Variants in TRAPPC9 observed in about 807,000 individuals in gnomAD.
The protein encoded by TRAPPC9 is trafficking protein particle complex subunit 9.
TRAPPC9 carries 83 observed loss-of-function variants against 124.0 expected under a neutral mutation model. That is an observed-to-expected ratio of 0.67 (90% CI 0.56 to 0.80). TRAPPC9 has a LOEUF of 0.80. TRAPPC9 is among the 30% of genes least tolerant of loss of function. The pLI is 0.00. For missense variants in TRAPPC9, 1,302 were observed against 1,508.3 expected, an observed-to-expected ratio of 0.86 and a Z score of 2.27; for synonymous variants, 638 against 617.5, an observed-to-expected ratio of 1.03 and a Z score of -0.49.
chr8:139,732,587 G>C (rs199224), intron 21 of TRAPPC9, among the ~76,000 whole-genome samples: 29,237 of 152,224 alleles, frequency 0.19, 3,147 homozygotes, highest in African/African-American at 0.29. Flanking sequence ...CTAAAGTGCC[G>C]CAGGTCAGGG....
At chr8:140,349,739 C>A (rs147156542) in intron 9 of TRAPPC9, among the ~76,000 whole-genome samples, 1 of 152,176 alleles carries the variant, frequency 6.6e-6, no homozygotes, top group Non-Finnish European at 1.5e-5. Flanking sequence ...AGTCAACATC[C>A]GCCCCCTTCC....
chr8:139,729,323 T>G lies in TRAPPC9; in HGVS notation c.*1738A>C, dbSNP rs1057412473. Among the ~76,000 whole-genome samples, 1 of 152,292 alleles carries G rather than the reference T, an allele frequency of 6.6e-6. No homozygotes were observed. The highest frequency in any genetic ancestry group is 2.4e-5 in the African/African-American group (1 of 41,482). On this transcript the variant is annotated 3_prime_UTR_variant, in exon 23 of 23. Coordinates refer to ENST00000438773, the MANE Select transcript of TRAPPC9 (RefSeq NM_001160372.4). ...GTTGTTTCATTCAATGGCGTATTTT[T>G]GGGCTCTGTTGAGGTTGACACACAT...
intron 18 of TRAPPC9, among the ~76,000 whole-genome samples, chr8:139,992,724 A>G (rs2131732103): frequency 6.6e-6 from 1 of 151,118 alleles, no homozygotes; most frequent in East Asian, 1.9e-4. Context: ...AGAGAAATAC[A>G]TTAGTGAAAG....
At chr8:140,015,584 TAA>T (rs1213507108) in intron 18 of TRAPPC9, among the ~76,000 whole-genome samples, 1 of 151,778 alleles carries the variant, frequency 6.6e-6, no homozygotes, top group African/African-American at 2.4e-5. Context: ...GGTCAGGAGT[TAA>T]GAGTCCAGCC....
chr8:140,357,470 A>G (rs1203596985), intron 9 of TRAPPC9, among the ~76,000 whole-genome samples: 5 of 152,086 alleles, frequency 3.3e-5, no homozygotes, highest in Admixed American at 3.3e-4. Context: ...AGTCCTGGCT[A>G]CAGGGGCAGA....
intron 17 of TRAPPC9, among the ~76,000 whole-genome samples, chr8:140,118,575 G>C (rs530062499): frequency 6.6e-6 from 1 of 152,342 alleles, no homozygotes; most frequent in East Asian, 1.9e-4. Context: ...ACTGGCCCCA[G>C]GTGGCAGGAG....
intron 11 of TRAPPC9, among the ~76,000 whole-genome samples, chr8:140,295,595 T>G (rs2065782825): frequency 2.0e-5 from 3 of 152,198 alleles, no homozygotes; most frequent in African/African-American, 7.2e-5. Flanking sequence ...TTTGCATGGA[T>G]GTAGCTCAGA....
chr8:139,774,350 G>A (rs992613769), intron 21 of TRAPPC9, among the ~76,000 whole-genome samples: 18 of 152,180 alleles, frequency 1.2e-4, no homozygotes, highest in Middle Eastern at 3.2e-3. Flanking sequence ...CTGGGGGCGC[G>A]GTGGGCTGGC....
At chr8:139,805,201 A>G (rs895319624) in intron 21 of TRAPPC9, among the ~76,000 whole-genome samples, 3 of 152,204 alleles carry the variant, frequency 2.0e-5, no homozygotes, top group African/African-American at 7.2e-5. Flanking sequence ...GATGTGGAGT[A>G]GGCGTACCCC....
intron 17 of TRAPPC9, among the ~76,000 whole-genome samples, chr8:140,199,440 TTAAGTAACCTGCCTGATGTCAC>T (rs1311211828): frequency 0.029 from 4,387 of 152,194 alleles, 225 homozygotes; most frequent in African/African-American, 0.1. Context: ...TGCAGACAAG[TTAAGTAACCTGCCTGATGTCAC>T]ACAGTTCGTA....
At chr8:140,100,896 A>G (rs1032580076) in intron 17 of TRAPPC9, among the ~76,000 whole-genome samples, 4 of 152,182 alleles carry the variant, frequency 2.6e-5, no homozygotes, top group Non-Finnish European at 5.9e-5. Flanking sequence ...CTAAAATCCT[A>G]TAGGCTAAGT....
chr8:140,136,311 G>A (rs2061302487), intron 17 of TRAPPC9, among the ~76,000 whole-genome samples: 1 of 152,202 alleles, frequency 6.6e-6, no homozygotes, highest in African/African-American at 2.4e-5. Flanking sequence ...CCTCCCTGAA[G>A]CAGCAGGAGC....
At chr8:139,753,024 TCCATCCATCCAACATCTATCTAC>T (rs1359845281) in intron 21 of TRAPPC9, among the ~76,000 whole-genome samples, 1 of 147,098 alleles carries the variant, frequency 6.8e-6, no homozygotes, top group Non-Finnish European at 1.5e-5. Flanking sequence ...CCATCTACCA[TCCATCCATCCAACATCTATCTAC>T]CCATCCATCC....
chr8:140,108,928 T>C (rs2060715229), intron 17 of TRAPPC9, among the ~76,000 whole-genome samples: 1 of 152,202 alleles, frequency 6.6e-6, no homozygotes, highest in South Asian at 2.1e-4. Context: ...GGAGATATTT[T>C]TTCTTTTCCT....
At chr8:140,156,950 A>T (rs1296017432) in intron 17 of TRAPPC9, among the ~76,000 whole-genome samples, 9 of 144,874 alleles carry the variant, frequency 6.2e-5, no homozygotes, top group African/African-American at 2.4e-4. Context: ...CTTTCCATTC[A>T]AAAGCCTCCC....
chr8:139,820,715 T>C (rs935881307), intron 21 of TRAPPC9, among the ~76,000 whole-genome samples: 4 of 152,186 alleles, frequency 2.6e-5, no homozygotes, highest in Admixed American at 6.5e-5. Flanking sequence ...GTCTTTACAG[T>C]AGAACAGATA....
At chr8:140,025,491 A>C (rs1344026863) in intron 17 of TRAPPC9, among the ~76,000 whole-genome samples, 2 of 152,066 alleles carry the variant, frequency 1.3e-5, no homozygotes, top group Non-Finnish European at 2.9e-5. Flanking sequence ...AGAGGAAAAC[A>C]TAGGAACAAA....
At chr8:140,123,227 C>T (rs935722804) in intron 17 of TRAPPC9, among the ~76,000 whole-genome samples, 6 of 152,116 alleles carry the variant, frequency 3.9e-5, no homozygotes, top group African/African-American at 4.8e-5. Context: ...CAGTCACGTC[C>T]GCCATGACAC....
chr8:139,964,799 A>G (rs1835591279), intron 19 of TRAPPC9, among the ~76,000 whole-genome samples: 1 of 152,218 alleles, frequency 6.6e-6, no homozygotes, highest in Admixed American at 6.5e-5. Flanking sequence ...TGGAGGCCAG[A>G]TTTTTAATTT....
Sources: gnomAD v4.1 joint callset for allele counts (sites outside exome capture counted in the v4.1 genomes callset) on GRCh38, gnomAD v4.1.1 for gene constraint, MANE v1.5 for transcripts, NCBI Gene and HGNC (gene_info 2026-07-23, HGNC 2026-07-21) for gene names.